TLCD5: variants seen among roughly 807,000 people sequenced by gnomAD.
TLCD5 encodes the protein TLC domain-containing protein 5.
TLCD5 carries 15 observed loss-of-function variants against 20.5 expected under a neutral mutation model. The ratio of observed to expected loss-of-function variants is 0.73; its 90% CI spans 0.49 to 1.13. TLCD5 has a LOEUF of 1.13. Ranked by LOEUF, TLCD5 falls within the 50% of genes most tolerant of loss-of-function variation. TLCD5 has a pLI of 0.00. For synonymous variants in TLCD5, 107 were observed against 114.7 expected (o/e 0.93, Z 0.43); for missense variants, 289 against 305.6 (o/e 0.95, Z 0.41).
At chr11:120,329,825 T>C in intron 2 of TLCD5, 152 bp from the exon 3 acceptor site, 1 of 719,216 alleles carries the variant, frequency 1.4e-6, no homozygotes, top group Non-Finnish European at 2.3e-6. Flanking sequence ...TATATTTTAG[T>C]CTTTCTTTGG....
chr11:120,328,787 T>TGTGTGC (rs1942069796), intron 2 of TLCD5, among the ~76,000 whole-genome samples: 2 of 28,320 alleles, frequency 7.1e-5, no homozygotes, highest in Non-Finnish European at 1.4e-4. Flanking sequence ...TGCGCGTGTA[T>TGTGTGC]GTTTGTATAT....
chr11:120,329,028 TG>T, intron 2 of TLCD5, among the ~76,000 whole-genome samples: 1 of 150,584 alleles, frequency 6.6e-6, no homozygotes, highest in South Asian at 2.1e-4. Flanking sequence ...TGTATGTGTT[TG>T]TATATGTATG....
rs1426554857 is a variant in TLCD5 at position 120,333,487 on chromosome 11, TCAG to T, written c.*2976_*2978del. On this transcript the variant is annotated 3_prime_UTR_variant, in exon 3 of 3. Coordinates refer to ENST00000375095, the MANE Select transcript of TLCD5 (RefSeq NM_001198671.2). The surrounding 1 kb of genome is among the most constrained non-coding windows in gnomAD (Gnocchi z 4.5). ...GAGAACAATGTGAACTGAAGATGAC[TCAG>T]CAGTTAAGACAATGCTAAGTTCTGA... 1.3e-5 allele frequency: 2 copies of T among 152,200 alleles called. No homozygotes were observed. Among genetic ancestry groups the T allele is most frequent in the African/African-American group, 4.8e-5 (2 of 41,446 alleles). 9.4% of individuals were successfully genotyped at this position (152,200 alleles called of 1,614,324 possible).
Position 120,327,355 on chromosome 11 carries a change from A to G in TLCD5, c.-1-86A>G. ...ATATTTTTGAACTATTCTATAATAG[A>G]AATGAGGATATATACACAAAATGAC... On this transcript the variant is annotated intron_variant, in intron 1 of 2. Coordinates refer to ENST00000375095, the MANE Select transcript of TLCD5 (RefSeq NM_001198671.2). The G allele has an allele frequency of 1.9e-6, 3 of 1,603,978 alleles. No individual in the cohort carries two copies. In the South Asian group the frequency reaches 3.3e-5, roughly 18 times the overall value.
At position 120,330,522 on chromosome 11, in the gene TLCD5, C is replaced by T; in HGVS notation, c.*7C>T. 1.2e-6 allele frequency: 2 copies of T among 1,601,464 alleles called. No homozygotes were observed. Among genetic ancestry groups the T allele is most frequent in the South Asian group, 1.1e-5 (1 of 89,078 alleles). The stretch of plus-strand genomic sequence containing the variant: ...ACATCTCAAAATACACTAGCCAAGG[C>T]TTGCTCCAGATTATGGATTGGGTTA... On this transcript the variant is annotated 3_prime_UTR_variant, in exon 3 of 3. Coordinates refer to ENST00000375095, the MANE Select transcript of TLCD5 (RefSeq NM_001198671.2).
Position 120,327,636 on chromosome 11 carries a change from C to A in TLCD5, c.195C>A (p.His65Gln). 6.2e-7 allele frequency: 1 copy of A among 1,612,102 alleles called. No homozygotes were observed. The highest frequency in any genetic ancestry group is 8.5e-7 in the Non-Finnish European group (1 of 1,178,972). Reference protein sequence around the residue: ...GFIDGPWPFTHPGSPNTPLQV... With the variant: ...GFIDGPWPFTQPGSPNTPLQV... ...TTGATGGCCCATGGCCTTTTACCCA[C>A]CCAGGTAGGTAGGGGATTTTCCCTT... is the stretch of plus-strand genomic sequence containing the variant. The change falls in exon 2 of 3, where the codon CAC (histidine) becomes CAA (glutamine). Residue 65 changes from histidine (H) to glutamine (Q), a missense_variant. Physicochemically the swap from His to Gln is conservative, Grantham distance 24 (BLOSUM62 0). Coordinates refer to ENST00000375095, the MANE Select transcript of TLCD5 (RefSeq NM_001198671.2).
chr11:120,327,350 A>G (rs1202679319), intron 1 of TLCD5, 91 bp from the exon 2 acceptor site: 1 of 1,599,940 alleles, frequency 6.3e-7, no homozygotes, highest in African/African-American at 1.3e-5. Flanking sequence ...ACTATTCTAT[A>G]ATAGAAATGA....
chr11:120,326,211 C>A (rs1331579101), intron 1 of TLCD5, among the ~76,000 whole-genome samples: 1 of 148,374 alleles, frequency 6.7e-6, no homozygotes, highest in Non-Finnish European at 1.5e-5. Context: ...TTAATTTCTT[C>A]TTTTTTTTTT....
chr11:120,328,584 A>T (rs1942052977), intron 2 of TLCD5, among the ~76,000 whole-genome samples: 1 of 117,386 alleles, frequency 8.5e-6, no homozygotes, highest in Non-Finnish European at 1.8e-5. Flanking sequence ...GTGTCCTTCC[A>T]TGGTCTCCCC....
Position 120,332,368 on chromosome 11 carries a change from ATTAT to A in TLCD5, c.*1860_*1863del, listed in dbSNP as rs1339984717. On this transcript the variant is annotated 3_prime_UTR_variant, in exon 3 of 3. Transcript: ENST00000375095. This position sits in a 1 kb window ranked among gnomAD's most constrained non-coding sequence, Gnocchi z 4.2. ...ATATGAAGTATTTATGTATTTATTGATTATTTATTTTTACCATGTTATTGAAGTC... is the reference window on the plus strand; with the variant it reads ...ATATGAAGTATTTATGTATTTATTGATTATTTTTACCATGTTATTGAAGTC... 7.9e-5 allele frequency: 12 copies of A among 152,036 alleles called. No individual in the cohort carries two copies. In the South Asian group the frequency reaches 1.2e-3, roughly 16 times the overall value. 9.4% of individuals were successfully genotyped at this position (152,036 alleles called of 1,614,324 possible). A position where few individuals can be genotyped will look rare whatever the true frequency, so the allele number is the denominator to read the frequency against.
rs1195138810 is a variant in TLCD5, at chr11:120,332,504, G to A, written c.*1989G>A. ...ATTCCATGGCCACTGGTAATCTAAC[G>A]TAATGAATGGTGTCTTTTGTTGTTG... is the stretch of plus-strand genomic sequence containing the variant. On this transcript the variant is annotated 3_prime_UTR_variant, in exon 3 of 3. Transcript: ENST00000375095. This position sits in a 1 kb window ranked among gnomAD's most constrained non-coding sequence, Gnocchi z 4.2. The A allele has an allele frequency of 2.6e-5, 4 of 152,268 alleles. No individual in the cohort carries two copies. Among genetic ancestry groups the A allele is most frequent in the Non-Finnish European group, 2.9e-5 (2 of 68,150 alleles). The allele number at this position is 152,268 out of a possible 1,614,324, so 9.4% of individuals were successfully genotyped here.
intron 1 of TLCD5, 93 bp from the exon 2 acceptor site, chr11:120,327,348 A>C (rs370693792): frequency 1.9e-6 from 3 of 1,598,490 alleles, no homozygotes; most frequent in South Asian, 2.2e-5. Flanking sequence ...GAACTATTCT[A>C]TAATAGAAAT....
chr11:120,329,864 T>C (rs919283093), intron 2 of TLCD5, 113 bp from the exon 3 acceptor site: 12 of 1,051,210 alleles, frequency 1.1e-5, no homozygotes, highest in African/African-American at 1.6e-5. Flanking sequence ...TGCCTGCTAT[T>C]GTTTTTGTTT....
intron 2 of TLCD5, 82 bp downstream of exon 2, chr11:120,327,722 A>T: frequency 7.4e-7 from 1 of 1,343,776 alleles, no homozygotes; most frequent in Non-Finnish European, 1.0e-6. Context: ...AATTTGTACA[A>T]TACTGAAGAC....
intron 2 of TLCD5, among the ~76,000 whole-genome samples, chr11:120,328,940 G>GTA (rs1942080325): frequency 1.2e-5 from 1 of 81,984 alleles, no homozygotes; most frequent in Admixed American, 1.1e-4. Context: ...GTGTGTGTGT[G>GTA]TGTGTTTGTG....
At position 120,328,678 on chromosome 11, in the gene TLCD5, A is replaced by AGTGTGTGTGTGTGT. The variant is rs36145001; in HGVS notation, c.199+1055_199+1068dup. On this transcript the variant is annotated intron_variant, in intron 2 of 2. Coordinates refer to ENST00000375095, the MANE Select transcript of TLCD5 (RefSeq NM_001198671.2). ...AATCCCTTCTAAGGATAACAGTCAT[A>AGTGTGTGTGTGTGT]GTGTGTGTGTGTGTGTGTGTGTGTG... 8.4e-3 allele frequency among the ~76,000 whole-genome samples: 203 copies of AGTGTGTGTGTGTGT among 24,122 alleles called. 3 individuals are homozygous for AGTGTGTGTGTGTGT. The highest frequency in any genetic ancestry group is 0.029 in the Middle Eastern group (1 of 34). 15.8% of individuals were successfully genotyped at this position (24,122 alleles called of 152,430 possible). A position where few individuals can be genotyped will look rare whatever the true frequency, so the allele number is the denominator to read the frequency against.
At position 120,330,341 on chromosome 11, in the gene TLCD5, G is replaced by C. The variant is rs776952156; in HGVS notation, c.564G>C (p.Thr188=). ...CLLFCEMVSP[T]PKWFVKAGGV... is the part of the protein sequence containing the mutation. ...TTTTCTGTGAAATGGTCTCCCCCAC[G>C]CCTAAGTGGTTTGTGAAGGCTGGGG... is the stretch of plus-strand genomic sequence containing the variant. Residue 188 remains threonine, a synonymous_variant, in exon 3 of 3, where the codon ACG becomes ACC. Transcript: ENST00000375095. 4.4e-6 allele frequency: 7 copies of C among 1,609,100 alleles called. No homozygotes were observed. In the South Asian group the frequency reaches 6.6e-5, roughly 15 times the overall value.
Position 120,330,057 on chromosome 11 carries a change from T to C in TLCD5, c.280T>C (p.Tyr94His), listed in dbSNP as rs368155734. The change falls in exon 3 of 3, where the codon TAC becomes CAC. Residue 94 changes from tyrosine (Y) to histidine (H), a missense_variant. Coordinates refer to ENST00000375095, the MANE Select transcript of TLCD5 (RefSeq NM_001198671.2). Reference protein sequence around the residue: ...YFIFDLGWCVYFQSEGALMLA... With the variant: ...YFIFDLGWCVHFQSEGALMLA... ...CATCTTCGACTTGGGCTGGTGCGTC[T>C]ACTTTCAGTCTGAGGGTGCCTTGAT... The C allele has an allele frequency of 8.9e-5, 143 of 1,614,106 alleles. No individual in the cohort carries two copies. Among genetic ancestry groups the C allele is most frequent in the Non-Finnish European group, 1.2e-4 (141 of 1,180,046 alleles).
At position 120,327,507 on chromosome 11, in the gene TLCD5, T is replaced by A. The variant is rs753492071; in HGVS notation, c.66T>A (p.Ser22=). ...SLCGWLSLYI[S]FCHLNKHRSY... ...GTGGCTGGCTCTCGCTCTATATTTC[T>A]TTCTGCCACCTGAATAAGCACCGAA... is the stretch of plus-strand genomic sequence containing the variant. Residue 22 remains serine (S), a synonymous_variant, in exon 2 of 3, where the codon TCT becomes TCA. Transcript: ENST00000375095. 1.2e-6 allele frequency: 2 copies of A among 1,614,226 alleles called. No individual in the cohort carries two copies. Among genetic ancestry groups the A allele is most frequent in the Non-Finnish European group, 8.5e-7 (1 of 1,180,044 alleles).
Sources: allele counts gnomAD v4.1 joint callset (sites outside exome capture counted in the v4.1 genomes callset), GRCh38; gene constraint gnomAD v4.1.1; non-coding constraint Gnocchi (gnomAD v3.1); transcripts MANE v1.5; gene names NCBI Gene and HGNC (gene_info 2026-07-23, HGNC 2026-07-21).